Variants in HBS1L observed in about 807,000 individuals in gnomAD.
HBS1L encodes HBS1 like translational GTPase, also known as HBS1-like protein.
HBS1L carries 55 observed loss-of-function variants against 88.9 expected under a neutral mutation model. The observed-to-expected ratio is 0.62, with a 90% CI of 0.50 to 0.77. The LOEUF (loss-of-function observed/expected upper bound fraction) is 0.77. Ranked by LOEUF, HBS1L falls within the 30% of genes least tolerant of loss-of-function variation. HBS1L has a pLI of 0.00. For missense variants in HBS1L, 741 were observed against 829.3 expected (o/e 0.89, Z 1.31); for synonymous variants, 267 against 288.5 (o/e 0.93, Z 0.76).
At chr6:134,976,913 G>A in intron 15 of HBS1L, among the ~76,000 whole-genome samples, 1 of 151,660 alleles carries the variant, frequency 6.6e-6, no homozygotes, top group East Asian at 1.9e-4. Context: ...AAAGAAAATT[G>A]ACAAATAAAT....
At chr6:135,024,439 C>CAAAAA (rs60663059) in intron 4 of HBS1L, among the ~76,000 whole-genome samples, 42 of 66,442 alleles carry the variant, frequency 6.3e-4, no homozygotes, top group African/African-American at 2.0e-3. Context: ...GACTTCGTCT[C>CAAAAA]AAAAAAAAAA....
intron 4 of HBS1L, chr6:135,035,818 A>T (rs2114891513): frequency 6.6e-6 from 3 of 457,918 alleles, no homozygotes; most frequent in Admixed American, 6.6e-5. Context: ...AGCTAAAGAG[A>T]TCTGGTAAAA....
chr6:135,022,877 T>C (rs1298498787), intron 4 of HBS1L, among the ~76,000 whole-genome samples: 1 of 151,776 alleles, frequency 6.6e-6, no homozygotes. Context: ...ACAGGATTTA[T>C]TTCCAGGATA....
chr6:135,014,357 G>A (rs1775857343), intron 4 of HBS1L, among the ~76,000 whole-genome samples: 1 of 152,172 alleles, frequency 6.6e-6, no homozygotes, highest in Admixed American at 6.5e-5. Flanking sequence ...GATCTTCAGA[G>A]TTTTTCAGGT....
At chr6:134,978,888 T>C in intron 14 of HBS1L, 101 bp from the exon 15 acceptor site, 1 of 719,794 alleles carries the variant, frequency 1.4e-6, no homozygotes, top group Non-Finnish European at 2.4e-6. Flanking sequence ...AACAATTAAG[T>C]AAATTAGGGA....
intron 4 of HBS1L, chr6:135,037,799 T>C: frequency 6.5e-7 from 1 of 1,548,610 alleles, no homozygotes; most frequent in South Asian, 1.2e-5. Flanking sequence ...GAAAGTTCTT[T>C]TGTTAACTTA....
At position 135,054,797 on chromosome 6, in the gene HBS1L, C is replaced by T. The variant is rs969436362; in HGVS notation, c.-106G>A. ...AGCCTGGAGAACCCCTATGCGCCAT[C>T]TTGGCTTCCCGCAGGCCTCTGCGCC... On this transcript the variant is annotated 5_prime_UTR_variant, in exon 1 of 18. Transcript: ENST00000367837. 7.2e-6 allele frequency: 10 copies of T among 1,389,476 alleles called. No homozygotes were observed. In the Middle Eastern group the frequency reaches 5.4e-4, roughly 75 times the overall value. The allele number at this position is 1,389,476 out of a possible 1,614,324, so 86.1% of individuals were successfully genotyped here.
At chr6:134,982,852 TA>T (rs1001878718) in intron 12 of HBS1L, 133 of 184,632 alleles carry the variant, frequency 7.2e-4, no homozygotes, top group Middle Eastern at 2.0e-3. Context: ...ACTCTGGGGA[TA>T]AAAAAAAATA....
chr6:135,022,262 C>T (rs1402714622), intron 4 of HBS1L, among the ~76,000 whole-genome samples: 1 of 150,294 alleles, frequency 6.7e-6, no homozygotes, highest in Admixed American at 6.6e-5. Context: ...GTATAATTGC[C>T]TTAGAATAAA....
intron 4 of HBS1L, chr6:135,027,260 C>G (rs1776261853): frequency 1.4e-5 from 2 of 144,102 alleles, no homozygotes; most frequent in Admixed American, 1.4e-4. Flanking sequence ...ATTTTGTATT[C>G]TGCAAACAGA....
intron 4 of HBS1L, among the ~76,000 whole-genome samples, chr6:135,005,823 G>A (rs1044017782): frequency 2.6e-5 from 4 of 152,184 alleles, no homozygotes; most frequent in Admixed American, 2.6e-4. Flanking sequence ...ACTGCAAAAT[G>A]AAAATTCCTA....
chr6:134,971,141 T>C (rs894452925), intron 15 of HBS1L, among the ~76,000 whole-genome samples: 11 of 149,354 alleles, frequency 7.4e-5, no homozygotes, highest in African/African-American at 2.5e-4. Flanking sequence ...CCTGCATTAC[T>C]CCAAAAAGAC....
chr6:134,989,311 T>C (rs995859644), intron 8 of HBS1L, among the ~76,000 whole-genome samples: 2 of 152,216 alleles, frequency 1.3e-5, no homozygotes, highest in Non-Finnish European at 2.9e-5. Flanking sequence ...CTGTTTGTCA[T>C]AGAAATCCAC....
In HBS1L at chr6:135,002,741, C is replaced by T; in HGVS notation, c.532G>A (p.Val178Met). 2 of 1,608,520 alleles carry T rather than the reference C, an allele frequency of 1.2e-6. No individual in the cohort carries two copies. Among genetic ancestry groups the T allele is most frequent in the Non-Finnish European group, 1.7e-6 (2 of 1,175,208 alleles). The change falls in exon 5 of 18, where the codon GTG becomes ATG. Residue 178 changes from valine (V) to methionine (M), a missense_variant. This residue lies in a region of HBS1L where 556 missense variants were observed against 598.4 expected (regional missense o/e 0.93). Transcript: ENST00000367837. The stretch of plus-strand genomic sequence containing the variant: ...AGGTACTCAAAGTCTTACCCAGGCA[C>T]TTCAAATCCCATAGTTTGCTTCTTT... The part of the protein sequence containing the change: ...SGKKQTMGFE[V>M]PGVSSEENGH...
In HBS1L at chr6:134,995,612, T is replaced by A. The variant is rs191949573; in HGVS notation, c.965+1165A>T. Among the ~76,000 whole-genome samples, 19 of 151,806 alleles carry A rather than the reference T, an allele frequency of 1.3e-4. No individual in the cohort carries two copies. The East Asian group carries it at 3.3e-3, about 26-fold the overall frequency. ...AACCATTCTAACTTAAATTATACTG[T>A]TCTCAATGTCTTTACCTGCTTACTA... is the stretch of plus-strand genomic sequence containing the variant. On this transcript the variant is annotated intron_variant, in intron 7 of 17. Transcript: ENST00000367837.
intron 4 of HBS1L, among the ~76,000 whole-genome samples, chr6:135,013,744 A>C (rs1187484844): frequency 6.6e-6 from 1 of 152,228 alleles, no homozygotes; most frequent in Admixed American, 6.5e-5. Flanking sequence ...TTACAGTCAG[A>C]CCTTCATATC....
chr6:135,052,664 C>T (rs1777125074), intron 1 of HBS1L, among the ~76,000 whole-genome samples: 1 of 151,814 alleles, frequency 6.6e-6, no homozygotes, highest in Non-Finnish European at 1.5e-5. Context: ...AGTGCCACAA[C>T]ATATAAAGAT....
chr6:135,042,779 C>T (rs1365974485), intron 2 of HBS1L, among the ~76,000 whole-genome samples: 9 of 150,140 alleles, frequency 6.0e-5, no homozygotes, highest in Non-Finnish European at 1.3e-4. Flanking sequence ...CGCCATTGCA[C>T]TCCAGCCTGG....
chr6:135,054,786 C>G lies in HBS1L; in HGVS notation c.-95G>C. On this transcript the variant is annotated 5_prime_UTR_variant, in exon 1 of 18. Transcript: ENST00000367837. ...GCGCCAACTGCAGCCTGGAGAACCC[C>G]TATGCGCCATCTTGGCTTCCCGCAG... The G allele has an allele frequency of 6.8e-7, 1 of 1,470,470 alleles. No homozygotes were observed. The highest frequency in any genetic ancestry group is 1.2e-5 in the South Asian group (1 of 84,884). 91.1% of individuals were successfully genotyped at this position (1,470,470 alleles called of 1,614,324 possible).
Sources: gnomAD v4.1 joint callset for allele counts (sites outside exome capture counted in the v4.1 genomes callset) on GRCh38, gnomAD v4.1.1 for gene constraint, gnomAD v4.1.1 regional missense constraint, MANE v1.5 for transcripts, NCBI Gene and HGNC (gene_info 2026-07-23, HGNC 2026-07-21) for gene names.